Variants in TCF12 observed in about 807,000 individuals in gnomAD.
TCF12 encodes the protein transcription factor 12, also known as DNA-binding protein HTF4.
In TCF12, 45 loss-of-function variants were observed where a neutral mutation model predicts 86.0. The observed-to-expected ratio is 0.52, with a 90% CI of 0.41 to 0.67. The LOEUF is 0.67. Among genes scored for constraint, TCF12 ranks in the 30% least tolerant of loss-of-function variants. TCF12 has a pLI of 0.00. For synonymous variants in TCF12, 330 were observed against 299.6 expected (o/e 1.10, Z -1.05); for missense variants, 881 against 859.9 (o/e 1.02, Z -0.31).
At chr15:57,160,117 C>T (rs2054391541) in intron 5 of TCF12, among the ~76,000 whole-genome samples, 1 of 152,170 alleles carries the variant, frequency 6.6e-6, no homozygotes, top group African/African-American at 2.4e-5. Flanking sequence ...AAACTGAACA[C>T]CATTCTCCAA....
At position 57,192,267 on chromosome 15, in the gene TCF12, G is replaced by A. The variant is rs1451972234; in HGVS notation, c.500G>A (p.Arg167Lys). 4 of 1,613,890 alleles carry A rather than the reference G, an allele frequency of 2.5e-6. No homozygotes were observed. The South Asian group carries it at 3.3e-5, about 13-fold the overall frequency. Residue 167 changes from arginine to lysine, a missense_variant, in exon 7 of 21, where the codon AGA (arginine) becomes AAA (lysine). This residue lies in a region of TCF12 where 766 missense variants were observed against 718.9 expected (regional missense o/e 1.07). Coordinates refer to ENST00000333725, the MANE Select transcript of TCF12 (RefSeq NM_207037.2). ...TTCTCTGCTACAAGTTCCAGGAGGA[G>A]ACCACTCCATGACTCTGCAGCGCTT... is the stretch of plus-strand genomic sequence containing the variant. The part of the protein sequence containing the change: ...YSFSATSSRR[R>K]PLHDSAALDP...
chr15:57,268,915 T>G (rs989878580), intron 18 of TCF12, among the ~76,000 whole-genome samples: 3 of 152,248 alleles, frequency 2.0e-5, no homozygotes, highest in South Asian at 4.2e-4. Flanking sequence ...TTATTTTACA[T>G]TTGCTGAGGA....
intron 8 of TCF12, among the ~76,000 whole-genome samples, chr15:57,221,985 A>G (rs964083227): frequency 3.9e-5 from 6 of 152,096 alleles, no homozygotes; most frequent in Non-Finnish European, 8.8e-5. Flanking sequence ...TAAGTGAAAT[A>G]TATGTCTTCA....
At chr15:57,167,049 CA>C (rs1764042822) in intron 6 of TCF12, among the ~76,000 whole-genome samples, 1 of 152,034 alleles carries the variant, frequency 6.6e-6, no homozygotes, top group South Asian at 2.1e-4. Flanking sequence ...AGAATCAAGC[CA>C]AAAAGAATAG....
At chr15:57,198,358 C>T (rs1426609139) in intron 8 of TCF12, among the ~76,000 whole-genome samples, 1 of 152,044 alleles carries the variant, frequency 6.6e-6, no homozygotes, top group Non-Finnish European at 1.5e-5. Context: ...CTTCATTAAG[C>T]CTTTCCTAAC....
intron 3 of TCF12, among the ~76,000 whole-genome samples, chr15:57,054,068 G>GCTC (rs2067819980): frequency 6.6e-6 from 1 of 152,104 alleles, no homozygotes; most frequent in African/African-American, 2.4e-5. Context: ...TGGCAGTTTT[G>GCTC]TACTATGAGG....
chr15:57,289,963 C>G (rs190911526), downstream of TCF12: 48 of 151,912 alleles, frequency 3.2e-4, no homozygotes, highest in African/African-American at 1.2e-3. Context: ...TGCAGCCATC[C>G]AATGAAACAC....
At chr15:57,197,347 T>C (rs2057323635) in intron 7 of TCF12, among the ~76,000 whole-genome samples, 1 of 151,686 alleles carries the variant, frequency 6.6e-6, no homozygotes, top group Admixed American at 6.6e-5. Context: ...TTAGTAGAGA[T>C]GGGTTTCACC....
intron 5 of TCF12, among the ~76,000 whole-genome samples, chr15:57,157,778 G>A (rs1452585331): frequency 6.6e-6 from 1 of 152,004 alleles, no homozygotes; most frequent in Non-Finnish European, 1.5e-5. Flanking sequence ...GGCTAGGCTG[G>A]TCTTGAACTC....
intron 5 of TCF12, among the ~76,000 whole-genome samples, chr15:57,143,844 T>G (rs1349739749): frequency 6.6e-6 from 1 of 152,118 alleles, no homozygotes; most frequent in Non-Finnish European, 1.5e-5. Context: ...TTTAGGATAA[T>G]AGATTGGAGA....
intron 4 of TCF12, among the ~76,000 whole-genome samples, chr15:57,083,416 A>G (rs556325219): frequency 8.6e-4 from 130 of 150,938 alleles, no homozygotes; most frequent in Non-Finnish European, 1.3e-3. Context: ...CAATGGGTAT[A>G]TGTTATTTTA....
intron 8 of TCF12, chr15:57,219,634 G>A (rs200513507): frequency 1.5e-5 from 24 of 1,586,750 alleles, no homozygotes; most frequent in African/African-American, 4.0e-5. Context: ...CTTGTTTAAA[G>A]GAAAGCAGTA....
intron 3 of TCF12, among the ~76,000 whole-genome samples, chr15:56,990,267 G>T (rs1165294824): frequency 6.7e-6 from 1 of 148,804 alleles, no homozygotes; most frequent in Non-Finnish European, 1.5e-5. Flanking sequence ...GTGTGTGTGT[G>T]TGTGTGAAAG....
At chr15:56,959,797 T>C (rs1237269905) in intron 3 of TCF12, among the ~76,000 whole-genome samples, 2 of 152,134 alleles carry the variant, frequency 1.3e-5, no homozygotes, top group Non-Finnish European at 2.9e-5. Flanking sequence ...ATAATAAAAT[T>C]GTTTAGAAAT....
intron 3 of TCF12, among the ~76,000 whole-genome samples, chr15:57,037,230 C>T (rs944607463): frequency 3.9e-5 from 6 of 152,102 alleles, no homozygotes; most frequent in African/African-American, 7.2e-5. Context: ...GAGCGGATCA[C>T]CTGAGGTCAG....
At chr15:57,057,415 C>CA (rs1164636876) in intron 3 of TCF12, among the ~76,000 whole-genome samples, 3 of 152,202 alleles carry the variant, frequency 2.0e-5, no homozygotes, top group African/African-American at 7.2e-5. Context: ...ATGGGAAACT[C>CA]ACCTGTGCTG....
chr15:56,950,745 G>GCTAT (rs1555455322), intron 3 of TCF12, among the ~76,000 whole-genome samples: 1 of 85,922 alleles, frequency 1.2e-5, no homozygotes, highest in Admixed American at 1.6e-4. Flanking sequence ...TTATGACCAT[G>GCTAT]TTTTTTTTTT....
At chr15:56,946,345 G>C (rs1201843941) in intron 3 of TCF12, among the ~76,000 whole-genome samples, 1 of 152,048 alleles carries the variant, frequency 6.6e-6, no homozygotes, top group Non-Finnish European at 1.5e-5. Flanking sequence ...TCAGGCTACC[G>C]ATCTTTTCTT....
intron 3 of TCF12, among the ~76,000 whole-genome samples, chr15:57,010,690 A>C (rs2064775341): frequency 6.6e-6 from 1 of 152,192 alleles, no homozygotes; most frequent in Non-Finnish European, 1.5e-5. Context: ...AAACAGCTCC[A>C]GGGTGAGTGA....
Sources: gnomAD v4.1 joint callset for allele counts (sites outside exome capture counted in the v4.1 genomes callset) on GRCh38, gnomAD v4.1.1 for gene constraint, gnomAD v4.1.1 regional missense constraint, MANE v1.5 for transcripts, NCBI Gene and HGNC (gene_info 2026-07-23, HGNC 2026-07-21) for gene names.